GFRA1: variants seen among roughly 807,000 people sequenced by gnomAD.
The protein encoded by GFRA1 is GDNF family receptor alpha 1, also known as GDNF family receptor alpha-1.
GFRA1 carries 16 observed loss-of-function variants against 51.6 expected under a neutral mutation model. That is an observed-to-expected ratio of 0.31 (90% CI 0.21 to 0.47). GFRA1 has a LOEUF of 0.47. GFRA1 is among the 20% of genes least tolerant of loss of function. GFRA1 has a pLI of 1.00. For synonymous variants in GFRA1, 270 were observed against 241.3 expected (o/e 1.12, Z -1.10); for missense variants, 530 against 594.3 (o/e 0.89, Z 1.13).
At chr10:116,102,471 A>C (rs574565320) in intron 6 of GFRA1, among the ~76,000 whole-genome samples, 1 of 152,312 alleles carries the variant, frequency 6.6e-6, no homozygotes, top group Admixed American at 6.5e-5. Context: ...GCAGGGCTTG[A>C]CCACTGTATT....
intron 4 of GFRA1, among the ~76,000 whole-genome samples, chr10:116,218,632 G>A (rs890838066): frequency 3.3e-5 from 5 of 152,080 alleles, no homozygotes; most frequent in African/African-American, 4.8e-5. Context: ...TCAGGCAACC[G>A]TGTAGCCACA....
At chr10:116,248,435 G>C (rs1011815043) in intron 4 of GFRA1, among the ~76,000 whole-genome samples, 1 of 152,188 alleles carries the variant, frequency 6.6e-6, no homozygotes, top group African/African-American at 2.4e-5. Context: ...CTGATCTCCA[G>C]ACAACTTCAA....
intron 8 of GFRA1, among the ~76,000 whole-genome samples, chr10:116,093,151 G>A (rs931939239): frequency 5.3e-5 from 8 of 152,062 alleles, no homozygotes; most frequent in Admixed American, 1.3e-4. Context: ...TGCCTGCATC[G>A]CCAGTTTATC....
intron 4 of GFRA1, among the ~76,000 whole-genome samples, chr10:116,234,123 G>T (rs1966840394): frequency 6.6e-6 from 1 of 152,198 alleles, no homozygotes. Flanking sequence ...TCAGAACAGA[G>T]CTCAGCTACT....
At chr10:116,195,794 C>A (rs2134350630) in intron 5 of GFRA1, among the ~76,000 whole-genome samples, 1 of 152,238 alleles carries the variant, frequency 6.6e-6, no homozygotes, top group Middle Eastern at 3.4e-3. Context: ...CAGCTCAGGC[C>A]CAAACTTGCA....
chr10:116,181,800 T>C (rs1021117656), intron 5 of GFRA1, among the ~76,000 whole-genome samples: 1 of 150,734 alleles, frequency 6.6e-6, no homozygotes, highest in Non-Finnish European at 1.5e-5. Flanking sequence ...CCCGCTACTA[T>C]GCCCGGCTAA....
rs529095004 is a variant in GFRA1, at chr10:116,198,987, T to C, written c.433+12644A>G. Among the ~76,000 whole-genome samples the C allele has an allele frequency of 5.9e-5, 9 of 152,226 alleles. No individual in the cohort carries two copies. The South Asian group carries it at 1.5e-3, about 25-fold the overall frequency. On this transcript the variant is annotated intron_variant, in intron 5 of 10. Coordinates refer to ENST00000355422, the MANE Select transcript of GFRA1 (RefSeq NM_005264.8). ...ACATACAGAGACAAAGACCATGTGA[T>C]GATGGAGGCAGAGATGGGAGTGATG...
chr10:116,096,434 C>T lies in GFRA1; in HGVS notation c.880+221G>A, dbSNP rs146941551. Reference sequence around the variant, plus strand: ...AGCCTCCCCACTCCTTAGTAATCCCCGCTTCCTGCCTCTGCCTTTCACGCA... The same window carrying T: ...AGCCTCCCCACTCCTTAGTAATCCCTGCTTCCTGCCTCTGCCTTTCACGCA... On this transcript the variant is annotated intron_variant, in intron 7 of 10. Transcript: ENST00000355422. 2.9e-3 allele frequency among the ~76,000 whole-genome samples: 437 copies of T among 152,294 alleles called. 2 individuals are homozygous for T. Among genetic ancestry groups the T allele is most frequent in the South Asian group, 7.7e-3 (37 of 4,820 alleles).
At chr10:116,112,443 A>AG (rs1405518259) in intron 6 of GFRA1, among the ~76,000 whole-genome samples, 5 of 152,174 alleles carry the variant, frequency 3.3e-5, no homozygotes. Context: ...GAAAGAGCAG[A>AG]GGGGGGCTGC....
At chr10:116,118,809 A>T (rs757727585) in intron 6 of GFRA1, among the ~76,000 whole-genome samples, 2 of 152,178 alleles carry the variant, frequency 1.3e-5, no homozygotes, top group Non-Finnish European at 2.9e-5. Flanking sequence ...GATTGGTAGG[A>T]CTTGGGCAGG....
At chr10:116,251,963 CTTTTT>C (rs3032041) in intron 4 of GFRA1, among the ~76,000 whole-genome samples, 51 of 79,816 alleles carry the variant, frequency 6.4e-4, no homozygotes, top group African/African-American at 2.0e-3. Context: ...CAATAGGCCT[CTTTTT>C]TTTTTTTTTT....
intron 6 of GFRA1, among the ~76,000 whole-genome samples, chr10:116,102,049 A>G (rs971304583): frequency 6.6e-6 from 1 of 152,216 alleles, no homozygotes; most frequent in Non-Finnish European, 1.5e-5. Flanking sequence ...CTTGAGAATA[A>G]GATTCTTCTA....
At chr10:116,124,485 C>T (rs1361014643) in intron 6 of GFRA1, among the ~76,000 whole-genome samples, 2 of 152,146 alleles carry the variant, frequency 1.3e-5, no homozygotes, top group East Asian at 3.9e-4. Context: ...CCCGCCTCAG[C>T]CTCCCAAAAT....
At chr10:116,083,742 G>A (rs977082103) in intron 9 of GFRA1, among the ~76,000 whole-genome samples, 4 of 152,148 alleles carry the variant, frequency 2.6e-5, no homozygotes, top group Admixed American at 6.5e-5. Flanking sequence ...ATCATTTCTG[G>A]TCTGGTCTGG....
intron 5 of GFRA1, among the ~76,000 whole-genome samples, chr10:116,127,459 T>C (rs1957926379): frequency 1.3e-5 from 2 of 152,238 alleles, no homozygotes; most frequent in African/African-American, 4.8e-5. Flanking sequence ...TCTAGGTTCA[T>C]GTGTCTTCCT....
intron 4 of GFRA1, among the ~76,000 whole-genome samples, chr10:116,236,837 C>T (rs1182021458): frequency 1.3e-5 from 2 of 152,206 alleles, no homozygotes; most frequent in Non-Finnish European, 2.9e-5. Context: ...CTGTCTTCTC[C>T]ACTAAACAGG....
At chr10:116,256,731 A>T (rs758245938) in intron 4 of GFRA1, among the ~76,000 whole-genome samples, 3 of 152,262 alleles carry the variant, frequency 2.0e-5, no homozygotes, top group Non-Finnish European at 4.4e-5. Flanking sequence ...AATCGAGTTG[A>T]GAATTTGGCA....
At chr10:116,187,896 G>C (rs1363441700) in intron 5 of GFRA1, among the ~76,000 whole-genome samples, 1 of 152,114 alleles carries the variant, frequency 6.6e-6, no homozygotes, top group African/African-American at 2.4e-5. Context: ...GCTGGAGACA[G>C]AGATGCATTC....
At chr10:116,210,506 C>G (rs1357105491) in intron 5 of GFRA1, among the ~76,000 whole-genome samples, 1 of 152,194 alleles carries the variant, frequency 6.6e-6, no homozygotes. Flanking sequence ...TTGCTCATCT[C>G]TTAGTCTCTA....
Sources: gnomAD v4.1 joint callset for allele counts (sites outside exome capture counted in the v4.1 genomes callset) on GRCh38, gnomAD v4.1.1 for gene constraint, MANE v1.5 for transcripts, NCBI Gene and HGNC (gene_info 2026-07-23, HGNC 2026-07-21) for gene names.